Variants in HEMGN observed in about 807,000 individuals in gnomAD.
HEMGN encodes erythroid differentiation-associated gene protein.
A neutral mutation model predicts 45.7 loss-of-function variants in HEMGN; 32 were observed. The observed-to-expected ratio is 0.70, with a 90% CI of 0.53 to 0.94. The LOEUF (loss-of-function observed/expected upper bound fraction) is 0.94. HEMGN is among the 40% of genes least tolerant of loss of function. The pLI is 0.00. For missense variants in HEMGN, 530 were observed against 564.2 expected (o/e 0.94, Z 0.61); for synonymous variants, 183 against 178.6 (o/e 1.02, Z -0.20).
chr9:97,936,472 T>C (rs2131556572), intron 1 of HEMGN, among the ~76,000 whole-genome samples: 1 of 152,370 alleles, frequency 6.6e-6, no homozygotes, highest in South Asian at 2.1e-4. Flanking sequence ...GTCAGAGACC[T>C]ACTCCTACAT....
Position 97,930,401 on chromosome 9 carries a change from T to C in HEMGN, c.994A>G (p.Ile332Val), listed in dbSNP as rs570241773. 3.3e-5 allele frequency: 54 copies of C among 1,614,106 alleles called. No individual in the cohort carries two copies. The East Asian group carries it at 9.1e-4, about 27-fold the overall frequency. Reference protein sequence around the residue: ...KYLPHKTCNEIIVPKAPSHKT... With the variant: ...KYLPHKTCNEVIVPKAPSHKT... ...TGAGAGGGGGCTTTAGGCACAATAA[T>C]TTCGTTACATGTTTTATGAGGAAGG... Residue 332 changes from isoleucine to valine, a missense_variant, in exon 3 of 4, where the codon ATT becomes GTT. Coordinates refer to ENST00000616898, the MANE Select transcript of HEMGN (RefSeq NM_197978.3).
At chr9:97,941,177 G>T (rs1440617290), upstream of HEMGN, among the ~76,000 whole-genome samples, 1 of 152,192 alleles carries the variant, frequency 6.6e-6, no homozygotes, top group African/African-American at 2.4e-5. Flanking sequence ...ATTTTAAATA[G>T]TGTGGTCAGA....
rs557048435 is a variant in HEMGN at position 97,933,223 on chromosome 9, A to G, written c.174-2002T>C. Among the ~76,000 whole-genome samples, 7 of 152,364 alleles carry G rather than the reference A, an allele frequency of 4.6e-5. No individual in the cohort carries two copies. In the South Asian group the frequency reaches 1.2e-3, roughly 27 times the overall value. On this transcript the variant is annotated intron_variant, in intron 2 of 3. Coordinates refer to ENST00000616898, the MANE Select transcript of HEMGN (RefSeq NM_197978.3). The stretch of plus-strand genomic sequence containing the variant: ...CATGTGGTGGTTATAAGAATTATAT[A>G]TAATAACTTACATGAATGAATTATT...
chr9:97,928,604 C>A (rs1826877858), intron 3 of HEMGN, among the ~76,000 whole-genome samples: 1 of 152,104 alleles, frequency 6.6e-6, no homozygotes, highest in South Asian at 2.1e-4. Context: ...TATTATTTAT[C>A]CAGTAGAGCT....
chr9:97,929,550 G>T (rs1233573145), intron 3 of HEMGN, among the ~76,000 whole-genome samples: 1 of 152,158 alleles, frequency 6.6e-6, no homozygotes, highest in Non-Finnish European at 1.5e-5. Flanking sequence ...AATAGAAAGG[G>T]TTTTTGGTAA....
intron 2 of HEMGN, among the ~76,000 whole-genome samples, chr9:97,932,113 T>C (rs980596712): frequency 4.6e-5 from 7 of 152,108 alleles, no homozygotes; most frequent in South Asian, 4.2e-4. Flanking sequence ...ACTAAAATGC[T>C]CTCCCAGCTT....
chr9:97,929,889 C>T, intron 3 of HEMGN, 146 bp downstream of exon 3: 1 of 667,368 alleles, frequency 1.5e-6, no homozygotes, highest in Non-Finnish European at 2.6e-6. Context: ...ACGTTGGTTG[C>T]ATGAAAATAT....
chr9:97,937,774 C>T (rs1248666512), intron 1 of HEMGN, among the ~76,000 whole-genome samples: 8 of 152,008 alleles, frequency 5.3e-5, no homozygotes, highest in Admixed American at 5.2e-4. Context: ...AGGATAGATC[C>T]AAGGACTGAG....
chr9:97,931,300 C>T, intron 2 of HEMGN, 79 bp from the exon 3 acceptor site: 1 of 1,027,178 alleles, frequency 9.7e-7, no homozygotes, highest in Non-Finnish European at 1.4e-6. Context: ...TGCCAGGTCC[C>T]CCACTGCCTC....
At chr9:97,928,023 G>GTTTTTTTTTTTTTTTTTTTTT (rs1450038969) in intron 3 of HEMGN, among the ~76,000 whole-genome samples, 1 of 144,324 alleles carries the variant, frequency 6.9e-6, no homozygotes, top group African/African-American at 2.5e-5. Context: ...AAGATCAAGT[G>GTTTTTTTTTTTTTTTTTTTTT]TATTTTTTTT....
At chr9:97,944,570 G>C (rs955278910) in intron 1 of HEMGN, among the ~76,000 whole-genome samples, 1 of 152,256 alleles carries the variant, frequency 6.6e-6, no homozygotes, top group African/African-American at 2.4e-5. Flanking sequence ...AGTCCATCCT[G>C]CACAAACATC....
intron 1 of HEMGN, among the ~76,000 whole-genome samples, chr9:97,937,223 C>T (rs1391710810): frequency 9.9e-5 from 15 of 151,728 alleles, no homozygotes; most frequent in Admixed American, 9.8e-4. Context: ...TTTTTTTCAA[C>T]TTTTATTTTA....
chr9:97,944,044 G>T (rs1224412076), intron 1 of HEMGN, among the ~76,000 whole-genome samples: 7 of 151,876 alleles, frequency 4.6e-5, no homozygotes, highest in Admixed American at 3.9e-4. Context: ...ACTCCCCTAG[G>T]TATGGGAGGT....
intron 3 of HEMGN, among the ~76,000 whole-genome samples, chr9:97,927,911 TAATC>T (rs1169635755): frequency 1.3e-5 from 2 of 152,038 alleles, no homozygotes; most frequent in African/African-American, 2.4e-5. Context: ...ATATTTATAA[TAATC>T]CTGAAAAGAT....
rs975186685 is a variant in HEMGN at position 97,930,146 on chromosome 9, C to G, written c.1249G>C (p.Asp417His). The change falls in exon 3 of 4, where the codon GAT becomes CAT. Residue 417 changes from aspartate (D) to histidine (H), a missense_variant. By Grantham distance (81) the Asp-to-His change is moderately conservative. Coordinates refer to ENST00000616898, the MANE Select transcript of HEMGN (RefSeq NM_197978.3). The stretch of plus-strand genomic sequence containing the variant: ...TCTGGAAAGCATTCTTTAGGCACAT[C>G]CTTATTTTTATATGTCTCAGTAGAG... ...DLSTETYKNK[D>H]VPKECFPEPH... 2 of 1,614,144 alleles carry G rather than the reference C, an allele frequency of 1.2e-6. No individual in the cohort carries two copies. Among genetic ancestry groups the G allele is most frequent in the Non-Finnish European group, 1.7e-6 (2 of 1,180,040 alleles).
upstream of HEMGN, among the ~76,000 whole-genome samples, chr9:97,941,344 T>C (rs1827149625): frequency 6.6e-6 from 1 of 152,086 alleles, no homozygotes; most frequent in South Asian, 2.1e-4. Context: ...AGAAGAAGCC[T>C]ATTATTGCCC....
At chr9:97,932,873 A>G (rs947064231) in intron 2 of HEMGN, among the ~76,000 whole-genome samples, 2 of 152,110 alleles carry the variant, frequency 1.3e-5, no homozygotes, top group African/African-American at 4.8e-5. Flanking sequence ...CTATTACTAC[A>G]AGTAACCAAG....
At chr9:97,935,458 A>T (rs1472904288) in intron 2 of HEMGN, among the ~76,000 whole-genome samples, 1 of 152,164 alleles carries the variant, frequency 6.6e-6, no homozygotes, top group African/African-American at 2.4e-5. Context: ...AAACATCTGC[A>T]GTGCACAAGC....
intron 1 of HEMGN, among the ~76,000 whole-genome samples, chr9:97,944,248 A>G (rs985515421): frequency 1.3e-5 from 2 of 152,222 alleles, no homozygotes; most frequent in Admixed American, 6.5e-5. Context: ...CAAACTTAGC[A>G]TAACTAAAAG....
Sources: gnomAD v4.1 joint callset for allele counts (sites outside exome capture counted in the v4.1 genomes callset) on GRCh38, gnomAD v4.1.1 for gene constraint, MANE v1.5 for transcripts, NCBI Gene and HGNC (gene_info 2026-07-23, HGNC 2026-07-21) for gene names.